Variants in RORB observed in about 807,000 individuals in gnomAD.
RORB encodes RAR related orphan receptor B.
In RORB, 6 loss-of-function variants were observed where a neutral mutation model predicts 59.1. The observed-to-expected ratio is 0.10, with a 90% CI of 0.06 to 0.20. The LOEUF (loss-of-function observed/expected upper bound fraction) is 0.20. Among genes scored for constraint, RORB ranks in the 10% least tolerant of loss-of-function variants. The pLI is 1.00. For missense variants in RORB, 320 were observed against 560.5 expected (o/e 0.57, Z 4.33); for synonymous variants, 215 against 204.5 (o/e 1.05, Z -0.44).
rs374556016 is a variant in RORB at position 74,541,279 on chromosome 9, CAAAAAAAAAA to C, written c.7+43314_7+43323del. Among the ~76,000 whole-genome samples, 199 of 43,574 alleles carry C rather than the reference CAAAAAAAAAA, an allele frequency of 4.6e-3. 4 individuals carry two copies. Among genetic ancestry groups the C allele is most frequent in the African/African-American group, 0.028 (176 of 6,260 alleles). The allele number at this position is 43,574 out of a possible 152,430, so 28.6% of individuals were successfully genotyped here. ...TGGGCAACAGAAAGAGACTCCATCT[CAAAAAAAAAA>C]AAAAAAAAAAAAAAAAAGTAAAGGC... On this transcript the variant is annotated intron_variant, in intron 1 of 9. Coordinates refer to ENST00000376896, the MANE Select transcript of RORB (RefSeq NM_006914.4).
chr9:74,582,585 C>A (rs1450662442), intron 1 of RORB, among the ~76,000 whole-genome samples: 1 of 152,152 alleles, frequency 6.6e-6, no homozygotes, highest in African/African-American at 2.4e-5. Context: ...GGATTAGTTA[C>A]CAACATTACA....
At chr9:74,647,182 G>A (rs143310019) in intron 4 of RORB, among the ~76,000 whole-genome samples, 55 of 152,244 alleles carry the variant, frequency 3.6e-4, no homozygotes, top group African/African-American at 1.2e-3. Flanking sequence ...ACATCTTTAG[G>A]GATAACATTT....
intron 1 of RORB, among the ~76,000 whole-genome samples, chr9:74,576,661 A>C (rs1241792771): frequency 6.6e-6 from 1 of 152,092 alleles, no homozygotes; most frequent in Non-Finnish European, 1.5e-5. Context: ...ATTTTTAATC[A>C]GTGTATATTT....
intron 1 of RORB, among the ~76,000 whole-genome samples, chr9:74,505,531 G>A (rs1825859066): frequency 6.6e-6 from 1 of 152,066 alleles, no homozygotes; most frequent in African/African-American, 2.4e-5. Flanking sequence ...GGGATGCTCA[G>A]GTTAATAAAG....
At chr9:74,629,254 T>C (rs1823575043) in intron 1 of RORB, among the ~76,000 whole-genome samples, 1 of 151,196 alleles carries the variant, frequency 6.6e-6, no homozygotes, top group Non-Finnish European at 1.5e-5. Context: ...TGCTTGTTTA[T>C]GGGTAGCCTG....
intron 1 of RORB, among the ~76,000 whole-genome samples, chr9:74,535,526 A>G (rs1314857943): frequency 6.6e-6 from 1 of 151,980 alleles, no homozygotes; most frequent in Non-Finnish European, 1.5e-5. Flanking sequence ...TTACCCTAGT[A>G]AAATCAATAC....
intron 1 of RORB, among the ~76,000 whole-genome samples, chr9:74,619,193 C>T (rs1186601796): frequency 1.3e-5 from 2 of 152,084 alleles, no homozygotes; most frequent in African/African-American, 2.4e-5. Flanking sequence ...TAAGATTGCC[C>T]TTTCCCATTG....
intron 1 of RORB, among the ~76,000 whole-genome samples, chr9:74,551,461 A>G (rs1826607973): frequency 6.6e-6 from 1 of 152,226 alleles, no homozygotes; most frequent in African/African-American, 2.4e-5. Context: ...GATACAGTGG[A>G]CAAAGAGATG....
chr9:74,508,314 AAAGAT>A (rs1161402028), intron 1 of RORB, among the ~76,000 whole-genome samples: 1 of 152,022 alleles, frequency 6.6e-6, no homozygotes, highest in Non-Finnish European at 1.5e-5. Flanking sequence ...TAATATAACC[AAAGAT>A]AAGTTCTGGC....
chr9:74,502,596 T>C (rs1012024438), intron 1 of RORB, among the ~76,000 whole-genome samples: 3 of 152,060 alleles, frequency 2.0e-5, no homozygotes, highest in Non-Finnish European at 4.4e-5. Context: ...ATTATAGCAT[T>C]CAATTAATAG....
rs1824658028 is a variant in RORB, at chr9:74,686,948, TAC to T, written c.*1332_*1333del. Reference sequence around the variant, plus strand: ...AGCCAAAACTAATTCCTGTGAAGTTTACAGTTACATCATCCATTTACCCTAGA... The same window carrying T: ...AGCCAAAACTAATTCCTGTGAAGTTTAGTTACATCATCCATTTACCCTAGA... On this transcript the variant is annotated 3_prime_UTR_variant, in exon 10 of 10. Coordinates refer to ENST00000376896, the MANE Select transcript of RORB (RefSeq NM_006914.4). The T allele has an allele frequency of 6.6e-6, 1 of 152,236 alleles. No homozygotes were observed. Among genetic ancestry groups the T allele is most frequent in the South Asian group, 2.1e-4 (1 of 4,834 alleles). The allele number at this position is 152,236 out of a possible 1,614,324, so 9.4% of individuals were successfully genotyped here.
At chr9:74,644,503 A>T (rs979770614) in intron 4 of RORB, among the ~76,000 whole-genome samples, 7 of 152,098 alleles carry the variant, frequency 4.6e-5, no homozygotes, top group Non-Finnish European at 8.8e-5. Flanking sequence ...ATAATTACTA[A>T]ATGACAGAGC....
intron 1 of RORB, among the ~76,000 whole-genome samples, chr9:74,584,572 C>A (rs996133446): frequency 4.6e-5 from 7 of 152,146 alleles, no homozygotes; most frequent in Non-Finnish European, 1.0e-4. Flanking sequence ...TTTCACCATG[C>A]CGTTTATTGC....
At chr9:74,499,678 C>A (rs1025085116) in intron 1 of RORB, among the ~76,000 whole-genome samples, 1 of 152,108 alleles carries the variant, frequency 6.6e-6, no homozygotes, top group African/African-American at 2.4e-5. Context: ...GAGTAGAGAA[C>A]CTTGGCTTAG....
At chr9:74,532,500 T>C (rs927570) in intron 1 of RORB, among the ~76,000 whole-genome samples, 85,056 of 151,522 alleles carry the variant, frequency 0.56, 24,243 homozygotes, top group East Asian at 0.83. Flanking sequence ...TCATACTCTT[T>C]AGGAGTAAAA....
intron 4 of RORB, among the ~76,000 whole-genome samples, chr9:74,657,129 TCCGACTC>T (rs1824096518): frequency 6.6e-6 from 1 of 152,216 alleles, no homozygotes; most frequent in Non-Finnish European, 1.5e-5. Context: ...CACTGCAACT[TCCGACTC>T]CCTGCTTCAA....
chr9:74,528,053 A>G (rs1468330850), intron 1 of RORB, among the ~76,000 whole-genome samples: 1 of 152,016 alleles, frequency 6.6e-6, no homozygotes, highest in Admixed American at 6.6e-5. Flanking sequence ...TTTTTAAACT[A>G]TCTATGTGTT....
chr9:74,641,759 T>C (rs76186470), intron 3 of RORB, among the ~76,000 whole-genome samples: 1 of 147,806 alleles, frequency 6.8e-6, no homozygotes, highest in African/African-American at 2.5e-5. Flanking sequence ...AAAAAAAAAA[T>C]AGCTGGACCT....
intron 1 of RORB, among the ~76,000 whole-genome samples, chr9:74,534,311 T>C (rs1472723247): frequency 6.6e-6 from 1 of 151,954 alleles, no homozygotes; most frequent in Non-Finnish European, 1.5e-5. Flanking sequence ...CCTGATATTA[T>C]TTCTTTGATC....
Sources: allele counts gnomAD v4.1 joint callset (sites outside exome capture counted in the v4.1 genomes callset), GRCh38; gene constraint gnomAD v4.1.1; transcripts MANE v1.5; gene names NCBI Gene and HGNC (gene_info 2026-07-23, HGNC 2026-07-21).